Variants in ZBTB20 observed in about 807,000 individuals in gnomAD.
The protein encoded by ZBTB20 is zinc finger and BTB domain-containing protein 20.
A neutral mutation model predicts 56.9 loss-of-function variants in ZBTB20; 9 were observed. The observed-to-expected ratio is 0.16, with a 90% CI of 0.10 to 0.28. The LOEUF (loss-of-function observed/expected upper bound fraction) is 0.28. Ranked by LOEUF, ZBTB20 falls within the 10% of genes least tolerant of loss-of-function variation. The pLI is 1.00. For missense variants in ZBTB20, 655 were observed against 1,003.0 expected, an observed-to-expected ratio of 0.65 and a Z score of 4.69; for synonymous variants, 417 against 420.7, an observed-to-expected ratio of 0.99 and a Z score of 0.11.
intron 7 of ZBTB20, among the ~76,000 whole-genome samples, chr3:114,432,920 C>T (rs1407878142): frequency 3.9e-5 from 6 of 152,044 alleles, no homozygotes; most frequent in East Asian, 3.9e-4. Context: ...ACAGATCATA[C>T]GAACCTAACC....
At chr3:115,012,612 T>C (rs138258629) in intron 2 of ZBTB20, among the ~76,000 whole-genome samples, 2,322 of 151,880 alleles carry the variant, frequency 0.015, 31 homozygotes, top group South Asian at 0.05. Context: ...CCCAATACTA[T>C]AATAGTTGGA....
intron 2 of ZBTB20, among the ~76,000 whole-genome samples, chr3:115,031,753 C>T (rs2080690388): frequency 6.6e-6 from 1 of 151,414 alleles, no homozygotes; most frequent in Non-Finnish European, 1.5e-5. Context: ...TTTCAATTGA[C>T]ATTGCACAGG....
intron 6 of ZBTB20, among the ~76,000 whole-genome samples, chr3:114,646,682 T>C (rs1354797630): frequency 2.0e-5 from 3 of 152,248 alleles, no homozygotes; most frequent in Admixed American, 6.5e-5. Context: ...TAAATTTCTA[T>C]TCAAAAGCCC....
intron 6 of ZBTB20, among the ~76,000 whole-genome samples, chr3:114,688,667 C>A (rs549728003): frequency 6.6e-6 from 1 of 152,224 alleles, no homozygotes; most frequent in South Asian, 2.1e-4. Context: ...ACATGATTAA[C>A]CGATCAATTT....
intron 6 of ZBTB20, among the ~76,000 whole-genome samples, chr3:114,674,223 C>A (rs954081286): frequency 3.3e-5 from 5 of 152,158 alleles, no homozygotes; most frequent in South Asian, 2.1e-4. Context: ...CTATAGAAAT[C>A]TTAATGGGCA....
At chr3:114,793,126 C>T (rs890298584) in intron 5 of ZBTB20, among the ~76,000 whole-genome samples, 3 of 151,966 alleles carry the variant, frequency 2.0e-5, no homozygotes, top group South Asian at 2.1e-4. Context: ...GTGATCCATA[C>T]GCCTCAGCCT....
intron 6 of ZBTB20, among the ~76,000 whole-genome samples, chr3:114,657,237 T>C (rs1454001464): frequency 1.3e-5 from 2 of 152,246 alleles, no homozygotes; most frequent in East Asian, 3.8e-4. Flanking sequence ...GTTTTATTAT[T>C]TGACAGAAAC....
At chr3:114,477,612 C>T in intron 7 of ZBTB20, among the ~76,000 whole-genome samples, 1 of 150,896 alleles carries the variant, frequency 6.6e-6, no homozygotes, top group Non-Finnish European at 1.5e-5. Context: ...TCTCCTGCCT[C>T]AGCCTCCCGA....
intron 1 of ZBTB20, among the ~76,000 whole-genome samples, chr3:115,081,957 A>G (rs984434181): frequency 7.9e-5 from 12 of 152,184 alleles, no homozygotes; most frequent in African/African-American, 2.9e-4. Context: ...GAACGTATAG[A>G]TAGCATCTAC....
rs377239549 is a variant in ZBTB20, at chr3:114,642,296, G to C, written c.-295+51232C>G. On this transcript the variant is annotated intron_variant, in intron 6 of 11. Transcript: ENST00000675478. ...CACTCTGTCTATTAGAACTTCATTT[G>C]TGTTTAACAAGCCCCTCTTTTAAAA... 3.9e-5 allele frequency among the ~76,000 whole-genome samples: 6 copies of C among 151,998 alleles called. No individual in the cohort carries two copies. In the East Asian group the frequency reaches 9.6e-4, roughly 24 times the overall value.
At chr3:115,005,274 AT>A (rs1196888111) in intron 2 of ZBTB20, among the ~76,000 whole-genome samples, 1 of 151,582 alleles carries the variant, frequency 6.6e-6, no homozygotes, top group Non-Finnish European at 1.5e-5. Context: ...ATCTGTATAC[AT>A]TTTATCTGTA....
intron 1 of ZBTB20, among the ~76,000 whole-genome samples, chr3:115,122,297 G>C (rs75658612): frequency 5.3e-5 from 8 of 152,138 alleles, no homozygotes; most frequent in African/African-American, 1.9e-4. Context: ...TTTAAAGCAT[G>C]AATCTAAATA....
rs1183529350 is a variant in ZBTB20, at chr3:114,945,577, C to T, written c.-456+28789G>A. Among the ~76,000 whole-genome samples, 2 of 143,590 alleles carry T rather than the reference C, an allele frequency of 1.4e-5. 1 individual carries two copies. Among genetic ancestry groups the T allele is most frequent in the Non-Finnish European group, 3.0e-5 (2 of 67,146 alleles). The allele number at this position is 143,590 out of a possible 152,430, so 94.2% of individuals were successfully genotyped here. ...CGTAATTAGCAAGTTAAAAGAGGGG[C>T]AAATGAAATAACAAGGTTGATTAAT... is the stretch of plus-strand genomic sequence containing the variant. On this transcript the variant is annotated intron_variant, in intron 3 of 11. Transcript: ENST00000675478.
At chr3:114,498,133 A>C (rs2043499039) in intron 7 of ZBTB20, among the ~76,000 whole-genome samples, 2 of 152,318 alleles carry the variant, frequency 1.3e-5, no homozygotes, top group South Asian at 2.1e-4. Flanking sequence ...TTGTATAGAG[A>C]CCTAACTTAT....
chr3:114,721,512 CG>C (rs1333306789), intron 5 of ZBTB20, among the ~76,000 whole-genome samples: 1 of 152,070 alleles, frequency 6.6e-6, no homozygotes, highest in African/African-American at 2.4e-5. Context: ...TGCCAGGCAC[CG>C]AACTATGTGC....
chr3:114,901,893 A>G (rs1202711795), intron 3 of ZBTB20, among the ~76,000 whole-genome samples: 8 of 152,104 alleles, frequency 5.3e-5, no homozygotes, highest in Non-Finnish European at 1.2e-4. Flanking sequence ...GATGATTTTA[A>G]TTTTTTCTTT....
At chr3:115,041,283 A>T (rs1022776371) in intron 2 of ZBTB20, among the ~76,000 whole-genome samples, 4 of 152,154 alleles carry the variant, frequency 2.6e-5, no homozygotes, top group Non-Finnish European at 5.9e-5. Flanking sequence ...ACATGGACAA[A>T]CATTACAATT....
intron 6 of ZBTB20, among the ~76,000 whole-genome samples, chr3:114,650,382 G>A (rs2060068393): frequency 6.6e-6 from 1 of 151,808 alleles, no homozygotes; most frequent in South Asian, 2.1e-4. Context: ...CATTTTCAAT[G>A]CCATGCACTT....
chr3:114,350,953 G>T lies in ZBTB20; in HGVS notation c.1125C>A (p.Phe375Leu). 6.2e-7 allele frequency: 1 copy of T among 1,606,552 alleles called. No homozygotes were observed. The highest frequency in any genetic ancestry group is 8.5e-7 in the Non-Finnish European group (1 of 1,179,834). Residue 375 changes from phenylalanine to leucine, a missense_variant, in exon 11 of 12, where the codon TTC (phenylalanine) becomes TTA (leucine). Around this residue, in one of 10 missense-constraint regions of ZBTB20, gnomAD observed 156 missense variants for 181.0 expected, o/e 0.86. Transcript: ENST00000675478. ...GTESEPKGES[F>L]DSGVSSSIGT... is the part of the protein sequence containing the mutation. ...CTATGGAGGAGCTGACGCCCGAGTC[G>T]AAGCTTTCACCTTTGGGCTCACTCT...
Sources: gnomAD v4.1 joint callset for allele counts (sites outside exome capture counted in the v4.1 genomes callset) on GRCh38, gnomAD v4.1.1 for gene constraint, gnomAD v4.1.1 regional missense constraint, MANE v1.5 for transcripts, NCBI Gene and HGNC (gene_info 2026-07-23, HGNC 2026-07-21) for gene names.